The following ADARB2 variants were observed in gnomAD, a reference collection of about 807,000 sequenced individuals.
ADARB2 encodes the protein adenosine deaminase RNA specific B2 (inactive).
In ADARB2, 25 loss-of-function variants were observed where a neutral mutation model predicts 62.2. The ratio of observed to expected loss-of-function variants is 0.40; its 90% CI spans 0.29 to 0.56. The LOEUF (loss-of-function observed/expected upper bound fraction) is 0.56. Among genes scored for constraint, ADARB2 ranks in the 20% least tolerant of loss-of-function variants. The pLI is 0.43. For missense variants in ADARB2, 1,071 were observed against 1,077.4 expected (o/e 0.99, Z 0.08); for synonymous variants, 572 against 500.8 (o/e 1.14, Z -1.90).
chr10:1,710,696 C>T (rs908292976), intron 1 of ADARB2, among the ~76,000 whole-genome samples: 1 of 152,218 alleles, frequency 6.6e-6, no homozygotes, highest in Non-Finnish European at 1.5e-5. Context: ...ACGAGGAATG[C>T]CGTTGGGCAC....
chr10:1,452,012 A>C (rs1009450917), intron 1 of ADARB2, among the ~76,000 whole-genome samples: 20 of 152,198 alleles, frequency 1.3e-4, no homozygotes, highest in Non-Finnish European at 2.9e-5. Flanking sequence ...AACGGTACCT[A>C]GGAATCACGG....
chr10:1,348,469 C>T (rs1008780767), intron 3 of ADARB2, among the ~76,000 whole-genome samples: 2 of 152,068 alleles, frequency 1.3e-5, no homozygotes, highest in Non-Finnish European at 2.9e-5. Flanking sequence ...GTGCTTGCTC[C>T]CTGCGGCGTT....
chr10:1,227,098 T>A (rs1283551222), intron 6 of ADARB2, among the ~76,000 whole-genome samples: 1 of 152,226 alleles, frequency 6.6e-6, no homozygotes, highest in Non-Finnish European at 1.5e-5. Flanking sequence ...AACAACTAAC[T>A]CGGCAATGGC....
At chr10:1,552,657 C>G (rs1327573516) in intron 1 of ADARB2, among the ~76,000 whole-genome samples, 1 of 151,496 alleles carries the variant, frequency 6.6e-6, no homozygotes, top group Non-Finnish European at 1.5e-5. Flanking sequence ...GAGGGGCTGC[C>G]AAGGTCGGCT....
chr10:1,586,834 G>T (rs550954389), intron 1 of ADARB2, among the ~76,000 whole-genome samples: 45 of 152,268 alleles, frequency 3.0e-4, no homozygotes, highest in African/African-American at 9.6e-4. Context: ...GTAGCATAAA[G>T]AAATATATAA....
At chr10:1,467,713 C>A (rs1831269897) in intron 1 of ADARB2, among the ~76,000 whole-genome samples, 2 of 152,200 alleles carry the variant, frequency 1.3e-5, no homozygotes, top group African/African-American at 4.8e-5. Context: ...CCAGGCAGGG[C>A]CGGCACACCC....
At chr10:1,684,952 G>A (rs1834580957) in intron 1 of ADARB2, among the ~76,000 whole-genome samples, 9 of 152,064 alleles carry the variant, frequency 5.9e-5, no homozygotes, top group Admixed American at 5.9e-4. Context: ...CCATGCTCAT[G>A]AGTGGGTGGT....
chr10:1,442,811 C>T (rs1830921767), intron 1 of ADARB2, among the ~76,000 whole-genome samples: 1 of 151,896 alleles, frequency 6.6e-6, no homozygotes, highest in Admixed American at 6.6e-5. Context: ...GAATTCTGAC[C>T]CAGTATAAAA....
intron 1 of ADARB2, among the ~76,000 whole-genome samples, chr10:1,631,988 G>A (rs868419782): frequency 6.6e-6 from 1 of 152,142 alleles, no homozygotes; most frequent in Non-Finnish European, 1.5e-5. Context: ...TTAGGAGAAT[G>A]TGTCCGCTCT....
chr10:1,556,274 T>C (rs1331778785), intron 1 of ADARB2, among the ~76,000 whole-genome samples: 2 of 151,680 alleles, frequency 1.3e-5, no homozygotes, highest in African/African-American at 4.8e-5. Context: ...TTTTTTTTTT[T>C]TTAAATTTCT....
chr10:1,554,120 G>A (rs1397001369), intron 1 of ADARB2, among the ~76,000 whole-genome samples: 1 of 152,088 alleles, frequency 6.6e-6, no homozygotes, highest in African/African-American at 2.4e-5. Context: ...TCATCTCAGC[G>A]GCCCTATTTC....
At chr10:1,402,867 C>CA (rs1832676654) in intron 1 of ADARB2, among the ~76,000 whole-genome samples, 1 of 152,264 alleles carries the variant, frequency 6.6e-6, no homozygotes, top group African/African-American at 2.4e-5. Flanking sequence ...CTAAGAATTT[C>CA]AAGATGGCGC....
intron 6 of ADARB2, among the ~76,000 whole-genome samples, chr10:1,223,060 CT>C (rs1830709385): frequency 6.6e-6 from 1 of 152,060 alleles, no homozygotes; most frequent in Non-Finnish European, 1.5e-5. Flanking sequence ...ATGTATTGTT[CT>C]TCGATTTGTT....
intron 3 of ADARB2, 44 bp downstream of exon 3, chr10:1,362,984 C>T (rs536456518): frequency 7.8e-6 from 10 of 1,281,528 alleles, no homozygotes; most frequent in East Asian, 3.1e-5. Flanking sequence ...CTCCCCCGCG[C>T]CCCCAGCGCC....
chr10:1,589,347 G>C (rs1393647397), intron 1 of ADARB2, among the ~76,000 whole-genome samples: 1 of 152,122 alleles, frequency 6.6e-6, no homozygotes, highest in Non-Finnish European at 1.5e-5. Context: ...TCCACGATCA[G>C]GGCATCCATG....
chr10:1,728,412 C>T (rs1835192818), intron 1 of ADARB2, among the ~76,000 whole-genome samples: 1 of 152,180 alleles, frequency 6.6e-6, no homozygotes, highest in Non-Finnish European at 1.5e-5. Context: ...TTATATTAGA[C>T]TGCTGCTGTT....
rs143663864 is a variant in ADARB2, at chr10:1,437,371, G to A, written c.101-58211C>T. On this transcript the variant is annotated intron_variant, in intron 1 of 9. Transcript: ENST00000381312. Reference sequence around the variant, plus strand: ...TATTATGTCGTTTCTATGTATAGTTGCAATTCATACATATTTATAGTACAT... The same window carrying A: ...TATTATGTCGTTTCTATGTATAGTTACAATTCATACATATTTATAGTACAT... 2.6e-3 allele frequency among the ~76,000 whole-genome samples: 390 copies of A among 152,134 alleles called. 2 individuals carry two copies. Among genetic ancestry groups the A allele is most frequent in the African/African-American group, 8.7e-3 (359 of 41,498 alleles).
intron 4 of ADARB2, among the ~76,000 whole-genome samples, chr10:1,259,904 A>G (rs1831117689): frequency 6.6e-6 from 1 of 152,238 alleles, no homozygotes; most frequent in Non-Finnish European, 1.5e-5. Flanking sequence ...ATCCTCAATA[A>G]AATATGGGCA....
chr10:1,281,081 A>G (rs1831366841), intron 3 of ADARB2, among the ~76,000 whole-genome samples: 1 of 152,270 alleles, frequency 6.6e-6, no homozygotes, highest in African/African-American at 2.4e-5. Flanking sequence ...ACTTATGCAA[A>G]TAGTGCATGA....
Sources: gnomAD v4.1 joint callset for allele counts (sites outside exome capture counted in the v4.1 genomes callset) on GRCh38, gnomAD v4.1.1 for gene constraint, MANE v1.5 for transcripts, NCBI Gene and HGNC (gene_info 2026-07-23, HGNC 2026-07-21) for gene names.